NALF1: variants seen among roughly 807,000 people sequenced by gnomAD.
NALF1 encodes family with sequence similarity 155 member A.
Under a neutral mutation model 48.4 loss-of-function variants are expected in NALF1, and 3 were observed. The observed-to-expected ratio is 0.06, with a 90% CI of 0.03 to 0.16. The LOEUF (loss-of-function observed/expected upper bound fraction) is 0.16. Among genes scored for constraint, NALF1 ranks in the 10% least tolerant of loss-of-function variants. NALF1 has a pLI of 1.00. For missense variants in NALF1, 526 were observed against 571.5 expected, an observed-to-expected ratio of 0.92 and a Z score of 0.81; for synonymous variants, 262 against 245.7, an observed-to-expected ratio of 1.07 and a Z score of -0.62.
At chr13:107,220,189 T>C (rs76855795) in intron 1 of NALF1, among the ~76,000 whole-genome samples, 6,004 of 152,322 alleles carry the variant, frequency 0.039, 169 homozygotes, top group East Asian at 0.084. Flanking sequence ...ATTTTGTCAT[T>C]GCATTTGCTC....
intron 1 of NALF1, among the ~76,000 whole-genome samples, chr13:107,316,830 ACTT>A (rs1055770576): frequency 1.2e-4 from 18 of 152,036 alleles, no homozygotes; most frequent in African/African-American, 3.9e-4. Flanking sequence ...TTAAGAATCC[ACTT>A]CTTCTGCTTA....
chr13:107,764,809 A>G (rs1877377123), intron 1 of NALF1, among the ~76,000 whole-genome samples: 1 of 152,216 alleles, frequency 6.6e-6, no homozygotes, highest in Non-Finnish European at 1.5e-5. Flanking sequence ...CAGTTTTTTC[A>G]GCAAGATACT....
At chr13:107,194,750 C>A (rs1342243238) in intron 2 of NALF1, among the ~76,000 whole-genome samples, 1 of 152,106 alleles carries the variant, frequency 6.6e-6, no homozygotes, top group Non-Finnish European at 1.5e-5. Context: ...TTCTGCACAG[C>A]AAAAGAAACA....
chr13:107,488,004 G>A (rs994977671), intron 1 of NALF1, among the ~76,000 whole-genome samples: 1 of 151,710 alleles, frequency 6.6e-6, no homozygotes, highest in East Asian at 1.9e-4. Flanking sequence ...TCTTGAGAGT[G>A]TATGTATCTA....
chr13:107,673,201 T>C (rs916796267), intron 1 of NALF1, among the ~76,000 whole-genome samples: 1 of 152,194 alleles, frequency 6.6e-6, no homozygotes, highest in Non-Finnish European at 1.5e-5. Context: ...CCCCTTCTCT[T>C]TCCTCCTGTC....
intron 1 of NALF1, among the ~76,000 whole-genome samples, chr13:107,823,493 T>C (rs997181599): frequency 1.3e-5 from 2 of 152,184 alleles, no homozygotes; most frequent in African/African-American, 4.8e-5. Context: ...AACCCATGTC[T>C]GGATTTGCCT....
At chr13:107,269,913 ATTTTTTTTTTT>A (rs71121514) in intron 1 of NALF1, among the ~76,000 whole-genome samples, 67 of 89,046 alleles carry the variant, frequency 7.5e-4, no homozygotes, top group Middle Eastern at 7.6e-3. Flanking sequence ...CGCCCGGCTA[ATTTTTTTTTTT>A]TTTTTTTTTT....
intron 1 of NALF1, among the ~76,000 whole-genome samples, chr13:107,686,048 G>T (rs185152981): frequency 6.7e-4 from 102 of 152,376 alleles, no homozygotes; most frequent in Middle Eastern, 3.4e-3. Flanking sequence ...AGCAAGCAAG[G>T]GTGGAGCAGC....
At chr13:107,705,246 T>C (rs1469150923) in intron 1 of NALF1, among the ~76,000 whole-genome samples, 1 of 152,202 alleles carries the variant, frequency 6.6e-6, no homozygotes, top group Non-Finnish European at 1.5e-5. Flanking sequence ...AACTTCTACA[T>C]GTCCCGCCTC....
chr13:107,544,662 T>A (rs1877087879), intron 1 of NALF1, among the ~76,000 whole-genome samples: 1 of 152,152 alleles, frequency 6.6e-6, no homozygotes, highest in South Asian at 2.1e-4. Context: ...GGTTCTATAA[T>A]CATCTCAGTG....
At chr13:107,540,090 G>C (rs1236187481) in intron 1 of NALF1, among the ~76,000 whole-genome samples, 1 of 109,646 alleles carries the variant, frequency 9.1e-6, no homozygotes, top group Admixed American at 9.8e-5. Context: ...TAGACAATTT[G>C]TAAAGCATTA....
At chr13:107,554,762 G>C (rs957638865) in intron 1 of NALF1, among the ~76,000 whole-genome samples, 1 of 152,264 alleles carries the variant, frequency 6.6e-6, no homozygotes, top group Admixed American at 6.5e-5. Context: ...TTGTGTCTGT[G>C]CAAGTTTCTC....
At chr13:107,587,930 T>C (rs1273777258) in intron 1 of NALF1, among the ~76,000 whole-genome samples, 1 of 152,092 alleles carries the variant, frequency 6.6e-6, no homozygotes, top group Non-Finnish European at 1.5e-5. Context: ...CTCCAGGACC[T>C]AGCACAATAA....
At chr13:107,325,184 T>C (rs984259977) in intron 1 of NALF1, among the ~76,000 whole-genome samples, 2 of 152,198 alleles carry the variant, frequency 1.3e-5, no homozygotes, top group Admixed American at 6.5e-5. Flanking sequence ...TTGAGAAGCA[T>C]AGTGTGCATA....
intron 1 of NALF1, among the ~76,000 whole-genome samples, chr13:107,608,836 G>A (rs1403977719): frequency 6.6e-6 from 1 of 152,210 alleles, no homozygotes; most frequent in East Asian, 1.9e-4. Context: ...CGCAGAGATG[G>A]AGAGTGACTC....
At chr13:107,430,163 T>C (rs1464550244) in intron 1 of NALF1, among the ~76,000 whole-genome samples, 1 of 152,174 alleles carries the variant, frequency 6.6e-6, no homozygotes, top group African/African-American at 2.4e-5. Flanking sequence ...TCCGAATACA[T>C]TTATTGAAAA....
At chr13:107,491,380 C>T (rs1924444) in intron 1 of NALF1, among the ~76,000 whole-genome samples, 51,392 of 151,988 alleles carry the variant, frequency 0.34, 9,455 homozygotes, top group African/African-American at 0.47. Context: ...TCTGTGGAGA[C>T]GACACAGTTT....
chr13:107,553,824 C>T (rs958582147), intron 1 of NALF1, among the ~76,000 whole-genome samples: 5 of 152,168 alleles, frequency 3.3e-5, no homozygotes, highest in Non-Finnish European at 5.9e-5. Context: ...GGAGCAATTG[C>T]GCTTCCTCCA....
intron 1 of NALF1, among the ~76,000 whole-genome samples, chr13:107,724,704 G>C (rs886402803): frequency 2.0e-5 from 3 of 152,100 alleles, no homozygotes; most frequent in Admixed American, 1.3e-4. Flanking sequence ...TGGGACTACA[G>C]ACATGCACCA....
Sources: allele counts gnomAD v4.1 joint callset (sites outside exome capture counted in the v4.1 genomes callset), GRCh38; gene constraint gnomAD v4.1.1; transcripts MANE v1.5; gene names NCBI Gene and HGNC (gene_info 2026-07-23, HGNC 2026-07-21).